Variants in PRPF18 observed in about 807,000 individuals in gnomAD.
The protein encoded by PRPF18 is pre-mRNA processing factor 18.
A neutral mutation model predicts 46.5 loss-of-function variants in PRPF18; 38 were observed. The ratio of observed to expected loss-of-function variants is 0.82; its 90% CI spans 0.63 to 1.07. The LOEUF is 1.07. Ranked by LOEUF, PRPF18 falls within the 50% of genes least tolerant of loss-of-function variation. PRPF18 has a pLI of 0.00. For missense variants in PRPF18, 263 were observed against 410.0 expected, an observed-to-expected ratio of 0.64 and a Z score of 3.10; for synonymous variants, 152 against 146.7, an observed-to-expected ratio of 1.04 and a Z score of -0.26.
At chr10:13,618,776 C>G (rs1040744298) in intron 9 of PRPF18, among the ~76,000 whole-genome samples, 8 of 152,138 alleles carry the variant, frequency 5.3e-5, no homozygotes, top group African/African-American at 1.9e-4. Flanking sequence ...CAATATCTGA[C>G]TCATGGTGGG....
intron 9 of PRPF18, among the ~76,000 whole-genome samples, chr10:13,624,830 T>C (rs1451220531): frequency 6.6e-6 from 1 of 152,240 alleles, no homozygotes; most frequent in Non-Finnish European, 1.5e-5. Context: ...CTGAAAATGC[T>C]GTCCTATGGG....
At chr10:13,611,827 A>G (rs965280674) in intron 6 of PRPF18, 144 bp downstream of exon 6, 10 of 629,546 alleles carry the variant, frequency 1.6e-5, no homozygotes, top group Non-Finnish European at 2.5e-5. Flanking sequence ...TGATATCACT[A>G]TGCACTTGAT....
intron 9 of PRPF18, among the ~76,000 whole-genome samples, chr10:13,627,217 A>G (rs1170437858): frequency 3.9e-5 from 6 of 152,064 alleles, no homozygotes; most frequent in African/African-American, 1.4e-4. Context: ...TTTTCTCCAA[A>G]GCACTTAGCA....
intron 2 of PRPF18, among the ~76,000 whole-genome samples, chr10:13,599,534 A>C (rs1210236073): frequency 6.6e-6 from 1 of 152,178 alleles, no homozygotes; most frequent in East Asian, 1.9e-4. Flanking sequence ...AGTTTTCTTA[A>C]ACTGAGACTT....
chr10:13,640,568 GCTCC>G, the PRPF18 span: 1 of 150,402 alleles, frequency 6.6e-6, no homozygotes, highest in African/African-American at 2.4e-5. Flanking sequence ...ACCTTGCTTT[GCTCC>G]CTCCTTCATT....
intron 4 of PRPF18, among the ~76,000 whole-genome samples, chr10:13,607,455 A>G (rs1054319936): frequency 2.0e-5 from 3 of 151,508 alleles, no homozygotes; most frequent in African/African-American, 7.3e-5. Flanking sequence ...TCTCACTCTC[A>G]CCCAGGCTGG....
intron 5 of PRPF18, among the ~76,000 whole-genome samples, chr10:13,610,934 A>C (rs6602668): frequency 0.36 from 54,005 of 152,070 alleles, 10,786 homozygotes; most frequent in East Asian, 0.85. Context: ...GTTAGTGTAT[A>C]ATCTTAATTA....
At chr10:13,593,541 T>A (rs1055603893) in intron 1 of PRPF18, among the ~76,000 whole-genome samples, 3 of 152,236 alleles carry the variant, frequency 2.0e-5, no homozygotes, top group African/African-American at 7.2e-5. Context: ...GTGGTTCTGC[T>A]GTAAATGATA....
the PRPF18 span, chr10:13,652,872 C>G: frequency 1.3e-5 from 2 of 152,286 alleles, no homozygotes; most frequent in South Asian, 2.1e-4. Context: ...GCATTTCTGA[C>G]AAGATCCCAG....
chr10:13,587,345 CT>C, intron 1 of PRPF18, 193 bp downstream of exon 1: 1 of 633,014 alleles, frequency 1.6e-6, no homozygotes. Context: ...AGAATAGGGT[CT>C]GAGAGCAGGG....
chr10:13,633,074 A>G (rs1302290134), downstream of PRPF18, among the ~76,000 whole-genome samples: 3 of 152,346 alleles, frequency 2.0e-5, no homozygotes, highest in East Asian at 1.9e-4. Context: ...TAGAGCCTGC[A>G]ACAATCTGGA....
At chr10:13,653,730 C>G in the PRPF18 span, 12 of 150,108 alleles carry the variant, frequency 8.0e-5, no homozygotes, top group African/African-American at 3.1e-4. Flanking sequence ...TCAGGGGCAA[C>G]AGAAGAGGCA....
chr10:13,592,263 C>G (rs1463558270), intron 1 of PRPF18: 1 of 502,352 alleles, frequency 2.0e-6, no homozygotes, highest in African/African-American at 2.0e-5. Context: ...CCAGCCTCAG[C>G]CTTCTTGGCT....
the PRPF18 span, chr10:13,651,356 G>A: frequency 6.5e-6 from 1 of 153,016 alleles, no homozygotes; most frequent in East Asian, 1.9e-4. Context: ...TTGCAGTGAT[G>A]CTGTTCTTTT....
chr10:13,616,610 A>G (rs2133820502), intron 9 of PRPF18, 57 bp downstream of exon 9: 2 of 1,583,892 alleles, frequency 1.3e-6, no homozygotes, highest in South Asian at 2.2e-5. Context: ...CTAATTCCCA[A>G]AACTCTAAGT....
At chr10:13,639,175 A>G in the PRPF18 span, 1 of 106,174 alleles carries the variant, frequency 9.4e-6, no homozygotes, top group African/African-American at 3.1e-5. Flanking sequence ...CAGAAAAGCC[A>G]CAGATGGAAC....
At chr10:13,652,663 G>C in the PRPF18 span, among the ~76,000 whole-genome samples, 6 of 152,174 alleles carry the variant, frequency 3.9e-5, no homozygotes, top group African/African-American at 1.4e-4. Flanking sequence ...CAAGAAGTAG[G>C]AGCAGACACA....
Position 13,614,049 on chromosome 10 carries a change from A to G in PRPF18, c.755A>G (p.Asp252Gly). The G allele has an allele frequency of 6.3e-7, 1 of 1,588,928 alleles. No homozygotes were observed. Among genetic ancestry groups the G allele is most frequent in the Non-Finnish European group, 8.6e-7 (1 of 1,166,658 alleles). Residue 252 changes from aspartate (D) to glycine (G), a missense_variant, in exon 8 of 10, where the codon GAT becomes GGT. This residue lies in a region of PRPF18 where 155 missense variants were observed against 245.1 expected (regional missense o/e 0.63). Coordinates refer to ENST00000378572, the MANE Select transcript of PRPF18 (RefSeq NM_003675.4). ...LPADIKESIT[D>G]IIKFMLQREY... ...GCTGATATTAAAGAATCAATAACGG[A>G]TATTATTAAATTCATGTTGCAGAGA... is the stretch of plus-strand genomic sequence containing the variant.
chr10:13,607,114 C>T (rs2080198932), intron 4 of PRPF18, among the ~76,000 whole-genome samples: 1 of 152,072 alleles, frequency 6.6e-6, no homozygotes, highest in African/African-American at 2.4e-5. Context: ...TTTTTTGACA[C>T]AGAGTCTCAC....
Sources: allele counts gnomAD v4.1 joint callset (sites outside exome capture counted in the v4.1 genomes callset), GRCh38; gene constraint gnomAD v4.1.1; regional missense constraint gnomAD v4.1.1; transcripts MANE v1.5; gene names NCBI Gene and HGNC (gene_info 2026-07-23, HGNC 2026-07-21).